Variants in NELL2 observed in about 807,000 individuals in gnomAD.
NELL2 encodes the protein protein kinase C-binding protein NELL2.
Under a neutral mutation model 109.6 loss-of-function variants are expected in NELL2, and 41 were observed. The observed-to-expected ratio is 0.37, with a 90% CI of 0.29 to 0.49. The LOEUF (loss-of-function observed/expected upper bound fraction) is 0.49. Ranked by LOEUF, NELL2 falls within the 20% of genes least tolerant of loss-of-function variation. The pLI is 0.98. For synonymous variants in NELL2, 355 were observed against 344.7 expected, an observed-to-expected ratio of 1.03 and a Z score of -0.33; for missense variants, 900 against 1,008.3, an observed-to-expected ratio of 0.89 and a Z score of 1.45.
At chr12:44,835,630 G>A (rs1354964170) in intron 2 of NELL2, among the ~76,000 whole-genome samples, 2 of 152,212 alleles carry the variant, frequency 1.3e-5, no homozygotes, top group African/African-American at 2.4e-5. Context: ...TTGTCCTAAT[G>A]TTTACACAGA....
intron 9 of NELL2, among the ~76,000 whole-genome samples, chr12:44,748,422 C>T (rs747930636): frequency 5.3e-5 from 8 of 151,986 alleles, no homozygotes; most frequent in Non-Finnish European, 1.2e-4. Flanking sequence ...CGTCATGATC[C>T]TATGTTTTAC....
At chr12:44,668,702 C>A (rs1352440593) in intron 12 of NELL2, among the ~76,000 whole-genome samples, 2 of 152,074 alleles carry the variant, frequency 1.3e-5, no homozygotes, top group Non-Finnish European at 2.9e-5. Flanking sequence ...ACAGGCCTAC[C>A]CCACCCACCA....
At chr12:44,827,136 C>T (rs549307731) in intron 2 of NELL2, among the ~76,000 whole-genome samples, 2 of 152,120 alleles carry the variant, frequency 1.3e-5, no homozygotes, top group Admixed American at 6.5e-5. Flanking sequence ...CACAAACCCA[C>T]AATTTTGTAA....
chr12:44,775,117 A>G (rs1941700547), intron 8 of NELL2, among the ~76,000 whole-genome samples: 1 of 151,732 alleles, frequency 6.6e-6, no homozygotes, highest in South Asian at 2.1e-4. Flanking sequence ...ACTTCACTAT[A>G]CCACATTCCG....
intron 9 of NELL2, among the ~76,000 whole-genome samples, chr12:44,734,965 G>C (rs1017502272): frequency 2.0e-5 from 3 of 151,904 alleles, no homozygotes; most frequent in African/African-American, 7.3e-5. Context: ...TCCATATATT[G>C]AGGAAGGGAT....
intron 18 of NELL2, among the ~76,000 whole-genome samples, chr12:44,521,052 A>G (rs990776835): frequency 6.6e-6 from 1 of 152,246 alleles, no homozygotes; most frequent in Non-Finnish European, 1.5e-5. Flanking sequence ...TTTTCGCTAT[A>G]AAGACACATA....
chr12:44,882,803 C>CAGGCG (rs1945429650), intron 1 of NELL2, among the ~76,000 whole-genome samples: 1 of 147,642 alleles, frequency 6.8e-6, no homozygotes, highest in African/African-American at 2.5e-5. Flanking sequence ...GCTGGGATTA[C>CAGGCG]AGGCGTGAGC....
chr12:44,898,204 GCCTGCTGGCTCTGAAGAGAGCAGCA>G lies in NELL2; in HGVS notation c.38+15570_38+15594del, dbSNP rs527743829. Among the ~76,000 whole-genome samples the G allele has an allele frequency of 1.6e-3, 251 of 152,282 alleles. 1 individual carries two copies. Among genetic ancestry groups the G allele is most frequent in the African/African-American group, 5.7e-3 (235 of 41,556 alleles). ...AGCTTCAGCAGACTTAAACGTTCCT[GCCTGCTGGCTCTGAAGAGAGCAGCA>G]GATCTCCCAGCACAGCACTCGAGCT... On this transcript the variant is annotated intron_variant, in intron 1 of 20. Transcript: ENST00000333837.
chr12:44,687,280 C>T (rs1299529342), intron 12 of NELL2, among the ~76,000 whole-genome samples: 2 of 152,204 alleles, frequency 1.3e-5, no homozygotes, highest in African/African-American at 4.8e-5. Flanking sequence ...ATGGTGCGCG[C>T]ACCCACTGAC....
chr12:44,582,434 T>C (rs1032442183), intron 15 of NELL2, among the ~76,000 whole-genome samples: 3 of 152,070 alleles, frequency 2.0e-5, no homozygotes, highest in African/African-American at 2.4e-5. Flanking sequence ...TAAAGGTGTG[T>C]TTAGAATGAT....
rs370366546 is a variant in NELL2, at chr12:44,733,436, T to G, written c.995-18695A>C. The stretch of plus-strand genomic sequence containing the variant: ...TGGATGAATCTTGAGAACATTAAGC[T>G]AAGTGAAATAAGTCAGTAACAACAG... On this transcript the variant is annotated intron_variant, in intron 9 of 19. Transcript: ENST00000429094. 4.7e-4 allele frequency among the ~76,000 whole-genome samples: 71 copies of G among 152,030 alleles called. 2 individuals carry two copies. In the South Asian group the frequency reaches 0.014, roughly 31 times the overall value.
chr12:44,677,684 C>A (rs548442516), intron 12 of NELL2, among the ~76,000 whole-genome samples: 2 of 152,094 alleles, frequency 1.3e-5, no homozygotes, highest in East Asian at 1.9e-4. Context: ...GACTGCAGAA[C>A]ATGAAAGGAG....
At position 44,786,758 on chromosome 12, in the gene NELL2, C is replaced by T. The variant is rs557657432; in HGVS notation, c.336-6736G>A. Among the ~76,000 whole-genome samples, 4 of 152,230 alleles carry T rather than the reference C, an allele frequency of 2.6e-5. No homozygotes were observed. The South Asian group carries it at 8.3e-4, about 32-fold the overall frequency. On this transcript the variant is annotated intron_variant, in intron 3 of 19. Coordinates refer to ENST00000429094, the MANE Select transcript of NELL2 (RefSeq NM_001145108.2). ...GGATGAAGCTGGAAACCATCATTCC[C>T]AGCAAACTAACACAGGAAGAGAAAA...
At chr12:44,595,091 A>G (rs1217260547) in intron 15 of NELL2, among the ~76,000 whole-genome samples, 2 of 152,194 alleles carry the variant, frequency 1.3e-5, no homozygotes, top group Admixed American at 6.5e-5. Context: ...ATAAATTGTC[A>G]TGCTTACACA....
chr12:44,668,627 C>A (rs924699319), intron 12 of NELL2, among the ~76,000 whole-genome samples: 1 of 151,942 alleles, frequency 6.6e-6, no homozygotes, highest in Non-Finnish European at 1.5e-5. Flanking sequence ...GGCCAGGAGC[C>A]TGGGTATAGG....
At chr12:44,852,876 C>G (rs1303916200) in intron 2 of NELL2, among the ~76,000 whole-genome samples, 1 of 152,086 alleles carries the variant, frequency 6.6e-6, no homozygotes, top group East Asian at 1.9e-4. Flanking sequence ...CCCACAGCAG[C>G]AAAGGGATGA....
chr12:44,788,854 T>C (rs1232656047), intron 3 of NELL2, among the ~76,000 whole-genome samples: 4 of 152,090 alleles, frequency 2.6e-5, no homozygotes, highest in Non-Finnish European at 5.9e-5. Context: ...CCCTTTGAAT[T>C]GCATGGCAGT....
intron 13 of NELL2, among the ~76,000 whole-genome samples, chr12:44,662,132 C>T (rs546238197): frequency 1.2e-4 from 19 of 152,086 alleles, no homozygotes; most frequent in Non-Finnish European, 2.6e-4. Flanking sequence ...GCAAATAGTG[C>T]AACTGAGTCA....
intron 15 of NELL2, among the ~76,000 whole-genome samples, chr12:44,586,162 C>A (rs1009531368): frequency 6.7e-6 from 1 of 149,146 alleles, no homozygotes; most frequent in African/African-American, 2.4e-5. Flanking sequence ...TTATTTAATT[C>A]TTGTTTTAAT....
Sources: allele counts gnomAD v4.1 joint callset (sites outside exome capture counted in the v4.1 genomes callset), GRCh38; gene constraint gnomAD v4.1.1; transcripts MANE v1.5; gene names NCBI Gene and HGNC (gene_info 2026-07-23, HGNC 2026-07-21).